ZBTB44: variants seen among roughly 807,000 people sequenced by gnomAD.
The protein encoded by ZBTB44 is zinc finger and BTB domain containing 44, also known as zinc finger and BTB domain-containing protein 44.
ZBTB44 carries 15 observed loss-of-function variants against 54.0 expected under a neutral mutation model. The observed-to-expected ratio is 0.28, with a 90% confidence interval of 0.19 to 0.43. The LOEUF (loss-of-function observed/expected upper bound fraction) is 0.43. ZBTB44 is among the 20% of genes least tolerant of loss of function. ZBTB44 has a pLI of 1.00. For synonymous variants in ZBTB44, 230 were observed against 250.1 expected (o/e 0.92, Z 0.76); for missense variants, 487 against 707.1 (o/e 0.69, Z 3.53).
chr11:130,308,950 T>G (rs1273049102), intron 1 of ZBTB44, among the ~76,000 whole-genome samples: 1 of 152,226 alleles, frequency 6.6e-6, no homozygotes, highest in African/African-American at 2.4e-5. Flanking sequence ...AGATAAGGTA[T>G]AAGTCTGCCT....
intron 1 of ZBTB44, among the ~76,000 whole-genome samples, chr11:130,262,579 T>C (rs1303466345): frequency 6.6e-6 from 1 of 152,224 alleles, no homozygotes; most frequent in African/African-American, 2.4e-5. Flanking sequence ...TCTCTATCAG[T>C]AGGCGTATTA....
intron 4 of ZBTB44, 105 bp downstream of exon 4, chr11:130,238,339 G>C (rs1021112012): frequency 4.5e-6 from 6 of 1,345,788 alleles, no homozygotes; most frequent in Non-Finnish European, 5.9e-6. Context: ...ACTTCCCAGA[G>C]TTTTTTTTAA....
intron 2 of ZBTB44, among the ~76,000 whole-genome samples, chr11:130,246,531 CA>C (rs1565649722): frequency 6.6e-6 from 1 of 152,060 alleles, no homozygotes; most frequent in Non-Finnish European, 1.5e-5. Flanking sequence ...ACTCTCTCCC[CA>C]ATTAGAAGTG....
intron 1 of ZBTB44, among the ~76,000 whole-genome samples, chr11:130,289,036 C>A (rs1941144478): frequency 6.6e-6 from 1 of 152,116 alleles, no homozygotes; most frequent in African/African-American, 2.4e-5. Context: ...CAAGATTCTA[C>A]CAAATCTGCA....
chr11:130,270,034 G>A (rs12277356), intron 1 of ZBTB44, among the ~76,000 whole-genome samples: 2,775 of 152,248 alleles, frequency 0.018, 86 homozygotes, highest in African/African-American at 0.063. Flanking sequence ...CAGAAGATTT[G>A]AGATTAAAAC....
rs1359885515 is a variant in ZBTB44, at chr11:130,261,413, G to A, written c.461C>T (p.Thr154Ile). ...GGGAGAAATGCTCCCATCTCGAGAA[G>A]TAAAATTGCAGTTAGAATTATTTTC... is the stretch of plus-strand genomic sequence containing the variant. Reference protein sequence around the residue: ...GQENNSNCNFTSRDGSISPVS... With the variant: ...GQENNSNCNFISRDGSISPVS... Residue 154 changes from threonine to isoleucine, a missense_variant, in exon 2 of 8, where the codon ACT becomes ATT. Coordinates refer to ENST00000357899, the MANE Select transcript of ZBTB44 (RefSeq NM_001301098.2). The surrounding 1 kb of genome is among the most constrained non-coding windows in gnomAD (Gnocchi z 4.8). 6.2e-7 allele frequency: 1 copy of A among 1,613,866 alleles called. No homozygotes were observed. Among genetic ancestry groups the A allele is most frequent in the Non-Finnish European group, 8.5e-7 (1 of 1,179,912 alleles).
At chr11:130,288,877 A>T (rs1025896707) in intron 1 of ZBTB44, among the ~76,000 whole-genome samples, 1 of 151,446 alleles carries the variant, frequency 6.6e-6, no homozygotes, top group Non-Finnish European at 1.5e-5. Context: ...AGCGTGGGTG[A>T]CAGAGCGAGA....
Position 130,314,434 on chromosome 11 carries a change from T to TGGGGCGGC in ZBTB44, c.-124_-117dup, listed in dbSNP as rs1942823980. 6.5e-6 allele frequency: 1 copy of TGGGGCGGC among 154,202 alleles called. No homozygotes were observed. Among genetic ancestry groups the TGGGGCGGC allele is most frequent in the Non-Finnish European group, 1.4e-5 (1 of 69,734 alleles). 9.6% of individuals were successfully genotyped at this position (154,202 alleles called of 1,614,324 possible). The stretch of plus-strand genomic sequence containing the variant: ...GCTCCTCCTCCTTCTCCCGCCAGGC[T>TGGGGCGGC]GGGGCGGCGAGGCGGCGGCGGCGGC... On this transcript the variant is annotated 5_prime_UTR_variant, in exon 1 of 8. Transcript: ENST00000357899.
At position 130,285,644 on chromosome 11, in the gene ZBTB44, T is replaced by G. The variant is rs952273907; in HGVS notation, c.-56-23715A>C. 28 of 264,354 alleles carry G rather than the reference T, an allele frequency of 1.1e-4. 1 individual carries two copies. The East Asian group carries it at 2.6e-3, about 24-fold the overall frequency. The allele number at this position is 264,354 out of a possible 1,614,324, so 16.4% of individuals were successfully genotyped here. ...CCCATTCTGTTGGAATATCCCCTAC[T>G]TCACAGTCTAATTTTTTATTTGCTG... On this transcript the variant is annotated intron_variant, in intron 1 of 7. Coordinates refer to ENST00000357899, the MANE Select transcript of ZBTB44 (RefSeq NM_001301098.2).
intron 1 of ZBTB44, among the ~76,000 whole-genome samples, chr11:130,311,366 G>A (rs1363916463): frequency 3.3e-5 from 5 of 152,020 alleles, no homozygotes; most frequent in South Asian, 2.1e-4. Context: ...ACACCACCAC[G>A]CCTGGCTAAT....
At chr11:130,277,606 T>C (rs1256395877) in intron 1 of ZBTB44, among the ~76,000 whole-genome samples, 3 of 152,202 alleles carry the variant, frequency 2.0e-5, no homozygotes, top group Non-Finnish European at 4.4e-5. Flanking sequence ...TATATGTATA[T>C]ACATATAAAA....
intron 1 of ZBTB44, among the ~76,000 whole-genome samples, chr11:130,280,640 T>C (rs571797507): frequency 6.6e-6 from 1 of 152,342 alleles, no homozygotes; most frequent in African/African-American, 2.4e-5. Flanking sequence ...TCAGTCTTTC[T>C]AATGTATGTT....
chr11:130,273,424 C>T (rs530769010), intron 1 of ZBTB44, among the ~76,000 whole-genome samples: 10 of 151,908 alleles, frequency 6.6e-5, no homozygotes, highest in South Asian at 4.2e-4. Context: ...ATCCCCCTAC[C>T]TCAGTCTCCT....
chr11:130,259,870 T>C (rs1458144172), intron 2 of ZBTB44, among the ~76,000 whole-genome samples: 1 of 151,842 alleles, frequency 6.6e-6, no homozygotes, highest in Non-Finnish European at 1.5e-5. Flanking sequence ...GGTTGATGGG[T>C]GCAGCAAACC....
At chr11:130,244,630 G>C (rs890639599) in intron 2 of ZBTB44, among the ~76,000 whole-genome samples, 3 of 143,368 alleles carry the variant, frequency 2.1e-5, no homozygotes, top group Non-Finnish European at 4.5e-5. Context: ...TTGCGCCACT[G>C]CACTCCAGCC....
chr11:130,256,315 T>A (rs1406328019), intron 2 of ZBTB44, among the ~76,000 whole-genome samples: 5 of 152,082 alleles, frequency 3.3e-5, no homozygotes, highest in African/African-American at 1.2e-4. Context: ...ACGTAATCCA[T>A]CACGTAAAAC....
intron 6 of ZBTB44, 145 bp downstream of exon 6, chr11:130,234,011 A>G: frequency 6.6e-7 from 1 of 1,520,820 alleles, no homozygotes; most frequent in Non-Finnish European, 8.8e-7. Flanking sequence ...GTTATAGAAG[A>G]CAGCTCTGAT....
chr11:130,232,285 A>G (rs1953905155), intron 7 of ZBTB44: 1 of 152,220 alleles, frequency 6.6e-6, no homozygotes, highest in South Asian at 2.1e-4. Flanking sequence ...TTTTCTGTCT[A>G]TCAAATCAGG....
intron 1 of ZBTB44, among the ~76,000 whole-genome samples, chr11:130,290,602 T>G (rs1463999559): frequency 1.3e-5 from 2 of 152,252 alleles, no homozygotes; most frequent in African/African-American, 4.8e-5. Context: ...TAATCTTTAC[T>G]GTTATTTAAA....
Sources: gnomAD v4.1 joint callset for allele counts (sites outside exome capture counted in the v4.1 genomes callset) on GRCh38, gnomAD v4.1.1 for gene constraint, Gnocchi (gnomAD v3.1) non-coding constraint, MANE v1.5 for transcripts, NCBI Gene and HGNC (gene_info 2026-07-23, HGNC 2026-07-21) for gene names.